The following OPCML variants were observed in gnomAD, a reference collection of about 807,000 sequenced individuals.
OPCML encodes opioid binding protein/cell adhesion molecule like.
A neutral mutation model predicts 37.8 loss-of-function variants in OPCML; 13 were observed. The observed-to-expected ratio is 0.34, with a 90% CI of 0.22 to 0.55. The LOEUF is 0.55. OPCML is among the 20% of genes least tolerant of loss of function. OPCML has a pLI of 0.91. For synonymous variants in OPCML, 176 were observed against 168.8 expected, an observed-to-expected ratio of 1.04 and a Z score of -0.33; for missense variants, 341 against 435.6, an observed-to-expected ratio of 0.78 and a Z score of 1.93.
intron 1 of OPCML, among the ~76,000 whole-genome samples, chr11:133,451,095 T>G (rs1446110234): frequency 2.0e-5 from 3 of 151,744 alleles, no homozygotes; most frequent in Admixed American, 6.6e-5. Flanking sequence ...AGACTAGAAC[T>G]CAAAAATAGT....
chr11:133,432,359 T>C (rs1181081250), intron 1 of OPCML, among the ~76,000 whole-genome samples: 1 of 152,010 alleles, frequency 6.6e-6, no homozygotes, highest in Non-Finnish European at 1.5e-5. Context: ...TATCTATTTT[T>C]TTAAAAAAAA....
intron 1 of OPCML, among the ~76,000 whole-genome samples, chr11:133,362,625 G>T (rs1565593561): frequency 6.6e-6 from 1 of 152,198 alleles, no homozygotes; most frequent in South Asian, 2.1e-4. Context: ...GCTGAAGAGC[G>T]GGGGCTGGCT....
At chr11:132,499,913 T>C (rs113356507) in intron 4 of OPCML, among the ~76,000 whole-genome samples, 5,279 of 152,286 alleles carry the variant, frequency 0.035, 302 homozygotes, top group African/African-American at 0.12. Context: ...TCCTGGCTCT[T>C]AGGCATATAG....
intron 1 of OPCML, among the ~76,000 whole-genome samples, chr11:133,471,611 A>T (rs1947117448): frequency 2.6e-5 from 4 of 152,120 alleles, no homozygotes. Flanking sequence ...AAAATATGAA[A>T]CATGATTTCT....
intron 1 of OPCML, among the ~76,000 whole-genome samples, chr11:133,316,838 AT>A: frequency 6.6e-6 from 1 of 152,306 alleles, no homozygotes; most frequent in South Asian, 2.1e-4. Context: ...ACGTAAATAT[AT>A]TTTCAGTGTT....
At chr11:132,591,107 G>A (rs73041747) in intron 3 of OPCML, among the ~76,000 whole-genome samples, 2 of 152,138 alleles carry the variant, frequency 1.3e-5, no homozygotes, top group South Asian at 2.1e-4. Flanking sequence ...TGTTCAATGA[G>A]AATCTCTCTC....
chr11:133,055,343 C>T (rs570416777), intron 1 of OPCML, among the ~76,000 whole-genome samples: 1 of 150,296 alleles, frequency 6.7e-6, no homozygotes, highest in Non-Finnish European at 1.5e-5. Context: ...CATGAGGGAG[C>T]CACCTCTACT....
intron 2 of OPCML, among the ~76,000 whole-genome samples, chr11:132,929,181 G>C (rs1043630732): frequency 6.6e-6 from 1 of 151,506 alleles, no homozygotes; most frequent in Non-Finnish European, 1.5e-5. Flanking sequence ...TCCTTAAAAT[G>C]ATAACAAAAT....
chr11:132,761,889 T>C (rs1401776706), intron 2 of OPCML, among the ~76,000 whole-genome samples: 2 of 152,124 alleles, frequency 1.3e-5, no homozygotes, highest in African/African-American at 2.4e-5. Flanking sequence ...AGAAGAGGCA[T>C]TCTGGTTTTT....
chr11:132,740,453 G>T (rs1279504941), intron 2 of OPCML, among the ~76,000 whole-genome samples: 1 of 152,184 alleles, frequency 6.6e-6, no homozygotes, highest in East Asian at 1.9e-4. Flanking sequence ...AGAAAAAGCA[G>T]CCCAAGGTGT....
At chr11:133,319,977 T>C (rs1943292572) in intron 1 of OPCML, among the ~76,000 whole-genome samples, 1 of 152,208 alleles carries the variant, frequency 6.6e-6, no homozygotes, top group African/African-American at 2.4e-5. Context: ...TTCAAAGTTT[T>C]CCAGGAAATG....
intron 1 of OPCML, among the ~76,000 whole-genome samples, chr11:133,253,813 T>TCCTTCCCTTCCATTC (rs1941223235): frequency 7.3e-6 from 1 of 136,574 alleles, no homozygotes; most frequent in Non-Finnish European, 1.6e-5. Context: ...CCTTTTTCCC[T>TCCTTCCCTTCCATTC]CCTTCCCTTC....
chr11:133,270,652 G>A lies in OPCML; in HGVS notation c.61+261612C>T, dbSNP rs925961991. On this transcript the variant is annotated intron_variant, in intron 1 of 7. Transcript: ENST00000524381. ...TGACAGAGTGGAAACACTGTAAACA[G>A]GTGGTTTTCGTGGTTTATATTTTAA... 7.9e-5 allele frequency among the ~76,000 whole-genome samples: 12 copies of A among 152,162 alleles called. No individual in the cohort carries two copies. The South Asian group carries it at 8.3e-4, about 11-fold the overall frequency.
At chr11:132,899,613 T>C (rs955224969) in intron 2 of OPCML, among the ~76,000 whole-genome samples, 1 of 152,134 alleles carries the variant, frequency 6.6e-6, no homozygotes. Context: ...GGACCTGTGA[T>C]GATTAACTTT....
chr11:133,463,572 C>A (rs772500926), intron 1 of OPCML, among the ~76,000 whole-genome samples: 2 of 151,998 alleles, frequency 1.3e-5, no homozygotes, highest in Non-Finnish European at 2.9e-5. Flanking sequence ...ATAAAAATAC[C>A]TTTTAATTAA....
intron 1 of OPCML, among the ~76,000 whole-genome samples, chr11:133,233,589 A>G (rs539980949): frequency 1.2e-4 from 18 of 152,328 alleles, no homozygotes; most frequent in Non-Finnish European, 2.5e-4. Context: ...GTTTTGAGTC[A>G]ACCCCACTTT....
intron 1 of OPCML, among the ~76,000 whole-genome samples, chr11:133,127,351 G>A (rs1265147917): frequency 6.6e-6 from 1 of 152,066 alleles, no homozygotes; most frequent in Non-Finnish European, 1.5e-5. Flanking sequence ...ATTTATCTTG[G>A]CCGGGCATGG....
intron 1 of OPCML, among the ~76,000 whole-genome samples, chr11:133,328,093 A>G (rs942720744): frequency 6.6e-6 from 1 of 152,110 alleles, no homozygotes; most frequent in Non-Finnish European, 1.5e-5. Flanking sequence ...CCTTGGGCAA[A>G]TTACTTCTAT....
chr11:132,909,204 C>T (rs1251882335), intron 2 of OPCML, among the ~76,000 whole-genome samples: 1 of 152,152 alleles, frequency 6.6e-6, no homozygotes, highest in African/African-American at 2.4e-5. Context: ...TTTTCCACTT[C>T]TCACACATCC....
Sources: allele counts gnomAD v4.1 joint callset (sites outside exome capture counted in the v4.1 genomes callset), GRCh38; gene constraint gnomAD v4.1.1; transcripts MANE v1.5; gene names NCBI Gene and HGNC (gene_info 2026-07-23, HGNC 2026-07-21).